The following ATP10A variants were observed in gnomAD, a reference collection of about 807,000 sequenced individuals.
ATP10A encodes the protein phospholipid-transporting ATPase VA.
Under a neutral mutation model 147.8 loss-of-function variants are expected in ATP10A, and 111 were observed. The observed-to-expected ratio is 0.75, with a 90% CI of 0.64 to 0.88. The LOEUF is 0.88. ATP10A is among the 40% of genes least tolerant of loss of function. The probability of loss-of-function intolerance (pLI) is 0.00; values close to 1 mark genes in which losing one functional copy is unlikely to be tolerated. For synonymous variants in ATP10A, 875 were observed against 841.6 expected (o/e 1.04, Z -0.69); for missense variants, 1,927 against 1,959.0 (o/e 0.98, Z 0.31).
chr15:25,722,077 A>G (rs570173439), intron 6 of ATP10A, among the ~76,000 whole-genome samples, 168 bp from the exon 7 acceptor site: 1 of 152,322 alleles, frequency 6.6e-6, no homozygotes, highest in African/African-American at 2.4e-5. Flanking sequence ...TTGGAAAAGT[A>G]TTAGAGTATT....
intron 2 of ATP10A, among the ~76,000 whole-genome samples, chr15:25,767,679 T>G (rs1212893485): frequency 6.6e-6 from 1 of 152,198 alleles, no homozygotes; most frequent in African/African-American, 2.4e-5. Flanking sequence ...CTTTGGGACT[T>G]CTAAAGCTCC....
chr15:25,844,716 TG>T, intron 1 of ATP10A, among the ~76,000 whole-genome samples: 1 of 152,096 alleles, frequency 6.6e-6, no homozygotes, highest in East Asian at 1.9e-4. Flanking sequence ...GGGCGAGCAG[TG>T]AGGAGGGCAG....
At chr15:25,835,491 T>C (rs951652372) in intron 1 of ATP10A, among the ~76,000 whole-genome samples, 36 of 152,174 alleles carry the variant, frequency 2.4e-4, no homozygotes, top group African/African-American at 8.4e-4. Flanking sequence ...GGACCATAGC[T>C]GCTTTCCTGA....
chr15:25,800,855 C>A (rs1890904558), intron 1 of ATP10A, among the ~76,000 whole-genome samples: 1 of 152,124 alleles, frequency 6.6e-6, no homozygotes, highest in Non-Finnish European at 1.5e-5. Flanking sequence ...AACTTTATTA[C>A]CAATATTACA....
At position 25,691,645 on chromosome 15, in the gene ATP10A, C is replaced by T. The variant is rs542432871; in HGVS notation, c.3165+70G>A. On this transcript the variant is annotated intron_variant, in intron 15 of 20. Coordinates refer to ENST00000555815, the MANE Select transcript of ATP10A (RefSeq NM_024490.4). ...AGAGCCCAGAGGAAGTCGGGGACAG[C>T]CCACAGGGTGACAGGACAAGAGGTC... is the stretch of plus-strand genomic sequence containing the variant. The T allele has an allele frequency of 7.9e-6, 12 of 1,522,186 alleles. No individual in the cohort carries two copies. The African/African-American group carries it at 1.6e-4, about 21-fold the overall frequency. The allele number at this position is 1,522,186 out of a possible 1,614,324, so 94.3% of individuals were successfully genotyped here.
Position 25,730,672 on chromosome 15 carries a change from A to G in ATP10A, c.741-3406T>C, listed in dbSNP as rs141749553. 8.0e-3 allele frequency among the ~76,000 whole-genome samples: 1,223 copies of G among 152,292 alleles called. 15 individuals carry two copies. Among genetic ancestry groups the G allele is most frequent in the African/African-American group, 0.028 (1,163 of 41,560 alleles). Reference sequence around the variant, plus strand: ...GCTTCCTAAGTGGGTCCTGACTGACATAAGTTGGGAGGAAGGAATGACAGA... The same window carrying G: ...GCTTCCTAAGTGGGTCCTGACTGACGTAAGTTGGGAGGAAGGAATGACAGA... On this transcript the variant is annotated intron_variant, in intron 3 of 20. Coordinates refer to ENST00000555815, the MANE Select transcript of ATP10A (RefSeq NM_024490.4).
rs1036415093 is a variant in ATP10A, at chr15:25,774,572, G to A, written c.654+6447C>T. Among the ~76,000 whole-genome samples, 6 of 91,904 alleles carry A rather than the reference G, an allele frequency of 6.5e-5. No individual in the cohort carries two copies. The East Asian group carries it at 9.1e-4, about 14-fold the overall frequency. The allele number at this position is 91,904 out of a possible 152,430, so 60.3% of individuals were successfully genotyped here. ...GCCTGGGCAACAAGAGCAAAACTCC[G>A]TCTCAAAAAGAAAAAAAAAAAAAAA... On this transcript the variant is annotated intron_variant, in intron 2 of 20. Transcript: ENST00000555815.
At chr15:25,821,954 C>T (rs1417155439) in intron 1 of ATP10A, among the ~76,000 whole-genome samples, 1 of 152,108 alleles carries the variant, frequency 6.6e-6, no homozygotes, top group Non-Finnish European at 1.5e-5. Context: ...AGTACGGAAT[C>T]CTGTGGGAAA....
intron 1 of ATP10A, among the ~76,000 whole-genome samples, chr15:25,861,154 G>T (rs1287152729): frequency 1.2e-5 from 1 of 83,796 alleles, no homozygotes; most frequent in East Asian, 4.2e-4. Context: ...CAGGCAGAGT[G>T]GTGTTTCTGA....
intron 2 of ATP10A, among the ~76,000 whole-genome samples, chr15:25,745,695 G>A (rs1278313657): frequency 1.3e-5 from 2 of 152,164 alleles, no homozygotes; most frequent in African/African-American, 4.8e-5. Context: ...TAATGTCTTT[G>A]GCAATTCATA....
At chr15:25,772,737 C>T (rs1889403240) in intron 2 of ATP10A, among the ~76,000 whole-genome samples, 1 of 152,140 alleles carries the variant, frequency 6.6e-6, no homozygotes, top group South Asian at 2.1e-4. Context: ...CTATGAACAC[C>T]CCGGCATGCA....
At position 25,714,038 on chromosome 15, in the gene ATP10A, C is replaced by T. The variant is rs1326520503; in HGVS notation, c.1980G>A (p.Gln660=). The T allele has an allele frequency of 6.2e-7, 1 of 1,611,548 alleles. No individual in the cohort carries two copies. Among genetic ancestry groups the T allele is most frequent in the Non-Finnish European group, 8.5e-7 (1 of 1,179,910 alleles). Residue 660 remains glutamine (Q), a synonymous_variant, in exon 10 of 21, where the codon CAG becomes CAA. Transcript: ENST00000555815. ...CGTTGCTGGCGATGGCCGAGGTGGG[C>T]TGGCCCAGCCTCTCCTCCAGCCTGA... ...MLLRLEERLG[Q]PTSAIASNGY...
Position 25,713,687 on chromosome 15 carries a change from C to T in ATP10A, c.2331G>A (p.Gln777=). ...GGGTGGGAGTACCTGAAGAGCAGGGCTGCAGGAGATCCATGACCACTGAGT... is the reference window on the plus strand; with the variant it reads ...GGGTGGGAGTACCTGAAGAGCAGGGTTGCAGGAGATCCATGACCACTGAGT... ...GADSVVMDLL[Q]PCSSVDARGR... is the part of the protein sequence containing the mutation. The change falls in exon 10 of 21, where the codon CAG becomes CAA. Residue 777 remains glutamine (Q), a synonymous_variant. Coordinates refer to ENST00000555815, the MANE Select transcript of ATP10A (RefSeq NM_024490.4). 2 of 1,613,920 alleles carry T rather than the reference C, an allele frequency of 1.2e-6. No individual in the cohort carries two copies. Among genetic ancestry groups the T allele is most frequent in the South Asian group, 1.1e-5 (1 of 91,044 alleles).
intron 13 of ATP10A, among the ~76,000 whole-genome samples, chr15:25,697,407 T>C (rs1386775554): frequency 6.6e-6 from 1 of 152,132 alleles, no homozygotes; most frequent in Non-Finnish European, 1.5e-5. Context: ...CTTCTTAGCA[T>C]ACAAAGAACC....
intron 1 of ATP10A, among the ~76,000 whole-genome samples, chr15:25,796,806 C>T (rs1018152796): frequency 1.2e-4 from 19 of 152,214 alleles, no homozygotes; most frequent in African/African-American, 4.6e-4. Flanking sequence ...GTAATTTGAG[C>T]TGGCCTTGTA....
At chr15:25,685,719 G>A (rs1424119712) in intron 16 of ATP10A, among the ~76,000 whole-genome samples, 1 of 151,978 alleles carries the variant, frequency 6.6e-6, no homozygotes, top group African/African-American at 2.4e-5. Flanking sequence ...AGCTACTCAG[G>A]AGGCTGAGGT....
At chr15:25,764,977 C>T (rs947011791) in intron 2 of ATP10A, among the ~76,000 whole-genome samples, 20 of 152,176 alleles carry the variant, frequency 1.3e-4, no homozygotes, top group South Asian at 4.1e-4. Flanking sequence ...TTAAACCTCC[C>T]GGCTGAAGCG....
chr15:25,759,845 G>T (rs922850295), intron 2 of ATP10A, among the ~76,000 whole-genome samples: 2 of 151,788 alleles, frequency 1.3e-5, no homozygotes, highest in African/African-American at 4.8e-5. Context: ...TACCTTTTAG[G>T]TAGCTGGCCT....
At chr15:25,753,556 A>AC (rs1031060144) in intron 2 of ATP10A, among the ~76,000 whole-genome samples, 8 of 148,936 alleles carry the variant, frequency 5.4e-5, no homozygotes, top group Non-Finnish European at 8.9e-5. Context: ...CCCTAACTGC[A>AC]CCCCCCCACA....
Sources: allele counts gnomAD v4.1 joint callset (sites outside exome capture counted in the v4.1 genomes callset), GRCh38; gene constraint gnomAD v4.1.1; transcripts MANE v1.5; gene names NCBI Gene and HGNC (gene_info 2026-07-23, HGNC 2026-07-21).